Variants in ZNF117 observed in about 807,000 individuals in gnomAD.
The protein encoded by ZNF117 is zinc finger protein 117.
A neutral mutation model predicts 41.2 loss-of-function variants in ZNF117; 37 were observed. That is an observed-to-expected ratio of 0.90 (90% CI 0.69 to 1.18). The LOEUF is 1.18. Ranked by LOEUF, ZNF117 falls within the 50% of genes most tolerant of loss-of-function variation. ZNF117 has a pLI of 0.00. For missense variants in ZNF117, 546 were observed against 557.5 expected (o/e 0.98, Z 0.21); for synonymous variants, 186 against 186.6 (o/e 1.00, Z 0.02).
chr7:64,979,690 C>A (rs1382291455), intron 2 of ZNF117, among the ~76,000 whole-genome samples, 154 bp from the exon 4 acceptor site: 1 of 151,926 alleles, frequency 6.6e-6, no homozygotes, highest in East Asian at 1.9e-4. Context: ...ATAAATGTAA[C>A]AAGAGCATAT....
At chr7:64,976,968 T>C in exon 3 of ZNF117, 2 of 534,958 alleles carry the variant, frequency 3.7e-6, no homozygotes, top group Non-Finnish European at 7.6e-6. Flanking sequence ...GCCACATTCT[T>C]CACATTTGTA....
At chr7:64,979,524 T>C in exon 3 of ZNF117, 2 of 1,480,362 alleles carry the variant, frequency 1.4e-6, no homozygotes, top group South Asian at 1.5e-5. Flanking sequence ...TTGGGCAAAA[T>C]AATAAAACAT....
chr7:64,986,592 C>T (rs1403340537), upstream of ZNF117, among the ~76,000 whole-genome samples: 4 of 152,206 alleles, frequency 2.6e-5, no homozygotes, highest in South Asian at 8.3e-4. Context: ...AACAGAAACA[C>T]CTTAGGGTAA....
chr7:64,986,739 CT>C (rs943245152), upstream of ZNF117, among the ~76,000 whole-genome samples: 2 of 152,060 alleles, frequency 1.3e-5, no homozygotes, highest in Admixed American at 1.3e-4. Context: ...CCTAACTTTT[CT>C]TTTTGGTTTA....
chr7:64,977,884 C>A (rs546461564), exon 3 of ZNF117: 40 of 1,187,450 alleles, frequency 3.4e-5, no homozygotes, highest in Non-Finnish European at 4.8e-5. Context: ...AAAGCTCTGC[C>A]ACATTCTTCA....
exon 3 of ZNF117, chr7:64,975,324 CTAATTTTAATT>C (rs1410235276): frequency 1.3e-5 from 2 of 151,124 alleles, no homozygotes; most frequent in African/African-American, 4.9e-5. Context: ...TGATATACTA[CTAATTTTAATT>C]TAATTTTAAC....
In ZNF117 at chr7:64,989,473, AT is replaced by A. The variant is rs1562649367; in HGVS notation, c.-196+473del. On this transcript the variant is annotated intron_variant, in intron 1 of 3. Coordinates refer to the ZNF117 transcript ENST00000282869. The stretch of plus-strand genomic sequence containing the variant: ...TATATATATATATATATATATATAT[AT>A]ATATATATATATATATATATATATA... Among the ~76,000 whole-genome samples the A allele has an allele frequency of 3.8e-4, 45 of 117,338 alleles. 1 individual carries two copies. The highest frequency in any genetic ancestry group is 6.6e-4 in the Non-Finnish European group (37 of 55,836). 77.0% of individuals were successfully genotyped at this position (117,338 alleles called of 152,430 possible). A position where few individuals can be genotyped will look rare whatever the true frequency, so the allele number is the denominator to read the frequency against.
intron 1 of ZNF117, among the ~76,000 whole-genome samples, chr7:64,987,135 CA>C (rs1481931244): frequency 6.6e-6 from 1 of 152,022 alleles, no homozygotes; most frequent in African/African-American, 2.4e-5. Context: ...TAAATCAAAA[CA>C]AAGAAAACCA....
chr7:64,989,865 A>C (rs1786225369), intron 1 of ZNF117, 82 bp downstream of exon 1: 1 of 152,098 alleles, frequency 6.6e-6, no homozygotes, highest in Non-Finnish European at 1.5e-5. Context: ...TGAGGTCAAG[A>C]GATCCAGACC....
Position 64,978,146 on chromosome 7 carries a change from A to T in ZNF117, c.1425T>A (p.Cys475Ter), listed in dbSNP as rs1435489708. 1.9e-6 allele frequency: 3 copies of T among 1,610,190 alleles called. No individual in the cohort carries two copies. Among genetic ancestry groups the T allele is most frequent in the Non-Finnish European group, 2.5e-6 (3 of 1,178,506 alleles). ...AGGTAGAAGCTTTGCCACATTCATC[A>T]CATTTGTACTGTTTCTCTTCAGTAT... The change falls in exon 3 of 3, where the codon TGT becomes TGA. Residue 475 changes from cysteine to a stop codon, truncating the protein, a stop_gained. Transcript: ENST00000620222. LOFTEE classifies it high-confidence loss of function.
rs1404453 is a variant in ZNF117, at chr7:64,978,289, G to A, written c.1282C>T (p.Arg428Ter). ...TTATGTCCAATAAGGGTTGAAGATC[G>A]GTTAAAGGCTTTGCCACATTCTTCA... Residue 428 changes from arginine to a stop codon, truncating the protein, a stop_gained, in exon 3 of 3, where the codon CGA (arginine) becomes TGA (stop). Coordinates refer to ENST00000620222, the Ensembl canonical transcript of ZNF117. LOFTEE classifies it high-confidence loss of function. The A allele has an allele frequency of 0.94, 1,514,892 of 1,612,614 alleles. 713,237 individuals are homozygous for A. Among genetic ancestry groups the A allele is most frequent in the South Asian group, 0.97 (88,241 of 91,040 alleles).
downstream of ZNF117, chr7:64,973,851 C>G (rs1270436848): frequency 6.6e-6 from 1 of 151,910 alleles, no homozygotes; most frequent in Non-Finnish European, 1.5e-5. Flanking sequence ...AAAATGTTAT[C>G]TGCACATGAA....
At chr7:64,981,390 A>G in exon 2 of ZNF117, 1 of 1,612,984 alleles carries the variant, frequency 6.2e-7, no homozygotes. Flanking sequence ...CACTTACCTA[A>G]ATGTTTAGCT....
exon 3 of ZNF117, chr7:64,977,250 A>T: frequency 2.4e-6 from 1 of 412,878 alleles, no homozygotes; most frequent in South Asian, 1.9e-5. Flanking sequence ...TCCTGTATGA[A>T]TTTTTTTATG....
exon 3 of ZNF117, chr7:64,975,775 AGCACACTG>A (rs528503718): frequency 4.3e-4 from 66 of 152,280 alleles, no homozygotes; most frequent in African/African-American, 1.6e-3. Flanking sequence ...TTCTGTACTC[AGCACACTG>A]ATTAGTTCAA....
At chr7:64,981,603 T>C in intron 1 of ZNF117, 121 bp from the exon 3 acceptor site, 1 of 883,120 alleles carries the variant, frequency 1.1e-6, no homozygotes, top group Non-Finnish European at 1.7e-6. Flanking sequence ...CAAATGCTAA[T>C]TTATAACAAA....
At chr7:64,990,774 C>T (rs1305668988) in exon 1 of ZNF117, 1 of 154,318 alleles carries the variant, frequency 6.5e-6, no homozygotes, top group Admixed American at 6.5e-5. Context: ...CATCCCTGCT[C>T]CTGGAGCCCA....
exon 3 of ZNF117, chr7:64,976,440 TA>T (rs71061343): frequency 0.38 from 56,348 of 149,636 alleles, 10,354 homozygotes; most frequent in Middle Eastern, 0.43. Context: ...AGACTCCATC[TA>T]AAAAAAAAAA....
chr7:64,988,177 C>T (rs1786176044), intron 1 of ZNF117, among the ~76,000 whole-genome samples: 1 of 152,164 alleles, frequency 6.6e-6, no homozygotes, highest in South Asian at 2.1e-4. Flanking sequence ...GGCCAATATC[C>T]TTGATGACCA....
Sources: allele counts gnomAD v4.1 joint callset (sites outside exome capture counted in the v4.1 genomes callset), GRCh38; gene constraint gnomAD v4.1.1; transcripts MANE v1.5; gene names NCBI Gene and HGNC (gene_info 2026-07-23, HGNC 2026-07-21).